Variants in DNMT1 observed in about 807,000 individuals in gnomAD.
DNMT1 encodes DNA (cytosine-5)-methyltransferase 1.
DNMT1 carries 24 observed loss-of-function variants against 205.3 expected under a neutral mutation model. The ratio of observed to expected loss-of-function variants is 0.12; its 90% confidence interval spans 0.08 to 0.16. The LOEUF (loss-of-function observed/expected upper bound fraction) is 0.16, where lower values mean the gene tolerates loss of function less well. Ranked by LOEUF, DNMT1 falls within the 10% of genes least tolerant of loss-of-function variation. The pLI, the probability that DNMT1 is intolerant of heterozygous loss-of-function variation, is 1.00. For missense variants in DNMT1, 1,293 were observed against 2,177.7 expected, an observed-to-expected ratio of 0.59 and a Z score of 8.09; for synonymous variants, 817 against 839.8, an observed-to-expected ratio of 0.97 and a Z score of 0.47.
chr19:10,180,697 A>G, intron 3 of DNMT1, 81 bp downstream of exon 3: 1 of 1,498,156 alleles, frequency 6.7e-7, no homozygotes, highest in Non-Finnish European at 9.3e-7. Flanking sequence ...ACAGCTGGGG[A>G]TCTTGCTGCC....
Position 10,138,017 on chromosome 19 carries a change from AGAG to A in DNMT1, c.4116-11_4116-9del. ...AAAGGACCCGAGCTCAACCTGCAAC[AGAG>A]GAGGAGGTCAACACCTCTGGAGATG... On this transcript the variant is annotated splice_polypyrimidine_tract_variant and intron_variant, in intron 35 of 40. Transcript: ENST00000359526. The surrounding 1 kb of genome is among the most constrained non-coding windows in gnomAD (Gnocchi z 4.1). The A allele has an allele frequency of 3.1e-6, 5 of 1,608,916 alleles. No homozygotes were observed. Among genetic ancestry groups the A allele is most frequent in the African/African-American group, 1.3e-5 (1 of 74,994 alleles).
At chr19:10,149,126 C>A in intron 26 of DNMT1, 109 bp from the exon 27 acceptor site, 1 of 1,443,676 alleles carries the variant, frequency 6.9e-7, no homozygotes, top group South Asian at 1.2e-5. Flanking sequence ...GAGTTCGAGA[C>A]CAGCCTGGCC....
rs1568218491 is a variant in DNMT1 at position 10,135,768 on chromosome 19, G to A, written c.4741C>T (p.Leu1581Phe). Reference sequence around the variant, plus strand: ...TGCTTGTCCAGGATGTTGCCGAAGAGCCGGTAGGTGTCAGGGAAGCCCTGG... The same window carrying A: ...TGCTTGTCCAGGATGTTGCCGAAGAACCGGTAGGTGTCAGGGAAGCCCTGG... ...RSQGFPDTYR[L>F]FGNILDKHRQ... Residue 1581 changes from leucine (L) to phenylalanine (F), a missense_variant, in exon 39 of 41, where the codon CTC becomes TTC. Physicochemically the swap from Leu to Phe is conservative, Grantham distance 22. Transcript: ENST00000359526. 12 of 1,603,760 alleles carry A rather than the reference G, an allele frequency of 7.5e-6. No homozygotes were observed. Among genetic ancestry groups the A allele is most frequent in the Non-Finnish European group, 1.0e-5 (12 of 1,176,484 alleles).
At chr19:10,136,476 C>T (rs1419208162) in intron 37 of DNMT1, among the ~76,000 whole-genome samples, 189 bp from the exon 38 acceptor site, 1 of 152,198 alleles carries the variant, frequency 6.6e-6, no homozygotes, top group Non-Finnish European at 1.5e-5. Flanking sequence ...CGCTCTGTTG[C>T]CCAGGCTGGA....
At chr19:10,169,277 T>G (rs2038760051) in intron 9 of DNMT1, among the ~76,000 whole-genome samples, 1 of 149,818 alleles carries the variant, frequency 6.7e-6, no homozygotes, top group African/African-American at 2.5e-5. Context: ...GCACAGTGGC[T>G]CACTACTGTA....
In DNMT1 at chr19:10,156,075, G is replaced by C. The variant is rs1309290368; in HGVS notation, c.1400-130C>G. 7.9e-6 allele frequency: 7 copies of C among 883,932 alleles called. No individual in the cohort carries two copies. The highest frequency in any genetic ancestry group is 1.7e-5 in the African/African-American group (1 of 59,768). 54.8% of individuals were successfully genotyped at this position (883,932 alleles called of 1,614,324 possible). A position where few individuals can be genotyped will look rare whatever the true frequency, so the allele number is the denominator to read the frequency against. ...GCTCCTCAGTCATCACAATGACTTG[G>C]CCTACAGCTGCTCCTGGCACAAAGT... On this transcript the variant is annotated intron_variant, in intron 18 of 40. Transcript: ENST00000359526. The surrounding 1 kb of genome is among the most constrained non-coding windows in gnomAD (Gnocchi z 4.2).
intron 1 of DNMT1, 69 bp from the exon 2 acceptor site, chr19:10,182,146 C>A (rs1463169128): frequency 2.6e-6 from 4 of 1,512,310 alleles, no homozygotes; most frequent in Non-Finnish European, 3.7e-6. Flanking sequence ...GTAAGAATAT[C>A]ACAGTTCTAA....
intron 11 of DNMT1, among the ~76,000 whole-genome samples, chr19:10,165,138 G>C (rs2038661403): frequency 6.6e-6 from 1 of 151,884 alleles, no homozygotes; most frequent in African/African-American, 2.4e-5. Flanking sequence ...GGACATGGTG[G>C]TGCCTGCCTA....
chr19:10,147,012 C>G (rs918715043), intron 27 of DNMT1, among the ~76,000 whole-genome samples: 2 of 151,990 alleles, frequency 1.3e-5, no homozygotes, highest in African/African-American at 4.8e-5. Context: ...TAATCCCAGC[C>G]CTTTGGGAGG....
chr19:10,148,598 G>C (rs1359327035), intron 27 of DNMT1, among the ~76,000 whole-genome samples: 1 of 151,908 alleles, frequency 6.6e-6, no homozygotes, highest in Non-Finnish European at 1.5e-5. Context: ...TGCAAGAGCT[G>C]GGCACACACT....
At chr19:10,158,063 C>A (rs1386857312) in intron 17 of DNMT1, among the ~76,000 whole-genome samples, 1 of 152,208 alleles carries the variant, frequency 6.6e-6, no homozygotes, top group Non-Finnish European at 1.5e-5. Flanking sequence ...GTCCTCCAGG[C>A]CACCATCCAC....
At chr19:10,161,924 C>A (rs912272200) in intron 13 of DNMT1, among the ~76,000 whole-genome samples, 4 of 151,424 alleles carry the variant, frequency 2.6e-5, no homozygotes, top group African/African-American at 9.7e-5. Context: ...TCACTGCAAC[C>A]TCTACCTCCT....
intron 25 of DNMT1, 85 bp downstream of exon 25, chr19:10,149,768 C>G: frequency 6.2e-7 from 1 of 1,603,896 alleles, no homozygotes; most frequent in Non-Finnish European, 8.5e-7. Context: ...GGGCAAAAAG[C>G]TGCTGGTGCT....
intron 9 of DNMT1, among the ~76,000 whole-genome samples, chr19:10,172,023 A>G (rs1000013328): frequency 6.6e-6 from 1 of 151,732 alleles, no homozygotes. Context: ...AAAAAATTAA[A>G]TTAAATTAAA....
intron 29 of DNMT1, 93 bp downstream of exon 29, chr19:10,143,673 G>T: frequency 7.0e-7 from 1 of 1,431,186 alleles, no homozygotes; most frequent in Non-Finnish European, 9.8e-7. Context: ...CTAACTCTTA[G>T]AACAACTGTG....
At chr19:10,181,368 G>A (rs988267974) in intron 2 of DNMT1, among the ~76,000 whole-genome samples, 2 of 151,416 alleles carry the variant, frequency 1.3e-5, no homozygotes, top group Non-Finnish European at 2.9e-5. Flanking sequence ...AAAATCACTT[G>A]AGCCTGGGAG....
chr19:10,145,217 G>GC (rs2145279934), intron 28 of DNMT1, among the ~76,000 whole-genome samples: 1 of 152,292 alleles, frequency 6.6e-6, no homozygotes, highest in South Asian at 2.1e-4. Context: ...TCCCCACTAG[G>GC]CCCCCCAGGA....
At chr19:10,143,425 C>T (rs1568225957) in intron 29 of DNMT1, among the ~76,000 whole-genome samples, 1 of 145,150 alleles carries the variant, frequency 6.9e-6, no homozygotes, top group Non-Finnish European at 1.5e-5. Context: ...GGTCTCACTA[C>T]GTTTCCTCAA....
In DNMT1 at chr19:10,174,940, A is replaced by G. The variant is rs976508496; in HGVS notation, c.648+600T>C. Among the ~76,000 whole-genome samples, 27 of 151,606 alleles carry G rather than the reference A, an allele frequency of 1.8e-4. 1 individual carries two copies. Among genetic ancestry groups the G allele is most frequent in the South Asian group, 4.2e-4 (2 of 4,802 alleles). On this transcript the variant is annotated intron_variant, in intron 7 of 40. Transcript: ENST00000359526. Reference sequence around the variant, plus strand: ...CGTGGTGGCACGCGCCTGTAGTCCCAGCTACTCGGGAGGCTGAAGCAGGAG... The same window carrying G: ...CGTGGTGGCACGCGCCTGTAGTCCCGGCTACTCGGGAGGCTGAAGCAGGAG...
Sources: gnomAD v4.1 joint callset for allele counts (sites outside exome capture counted in the v4.1 genomes callset) on GRCh38, gnomAD v4.1.1 for gene constraint, Gnocchi (gnomAD v3.1) non-coding constraint, MANE v1.5 for transcripts, NCBI Gene and HGNC (gene_info 2026-07-23, HGNC 2026-07-21) for gene names.